The following SUSD3 variants were observed in gnomAD, a reference collection of about 807,000 sequenced individuals.
SUSD3 encodes the protein sushi domain-containing protein 3.
In SUSD3, 18 loss-of-function variants were observed where a neutral mutation model predicts 20.6. The ratio of observed to expected loss-of-function variants is 0.87; its 90% CI spans 0.60 to 1.30. SUSD3 has a LOEUF of 1.30. Ranked by LOEUF, SUSD3 falls within the 50% of genes most tolerant of loss-of-function variation. The pLI, the probability that SUSD3 is intolerant of heterozygous loss-of-function variation, is 0.00. For missense variants in SUSD3, 306 were observed against 346.9 expected, an observed-to-expected ratio of 0.88 and a Z score of 0.94; for synonymous variants, 137 against 141.5, an observed-to-expected ratio of 0.97 and a Z score of 0.23.
In SUSD3 at chr9:93,062,199, C is replaced by T. The variant is rs1825534337; in HGVS notation, c.88+3369C>T. On this transcript the variant is annotated intron_variant, in intron 1 of 4. Transcript: ENST00000375472. ...CAGAGGCGCAGGCGCGGCATGTGGG[C>T]TGAGGGCCGCTCAGGCATCACACAG... is the stretch of plus-strand genomic sequence containing the variant. Among the ~76,000 whole-genome samples, 4 of 152,324 alleles carry T rather than the reference C, an allele frequency of 2.6e-5. No individual in the cohort carries two copies. The South Asian group carries it at 8.3e-4, about 32-fold the overall frequency.
At chr9:93,073,565 T>C (rs1825999571) in intron 1 of SUSD3, among the ~76,000 whole-genome samples, 1 of 152,160 alleles carries the variant, frequency 6.6e-6, no homozygotes, top group South Asian at 2.1e-4. Context: ...GTTCTTTACC[T>C]GTGATGCACC....
intron 1 of SUSD3, among the ~76,000 whole-genome samples, chr9:93,072,931 G>A (rs1667885546): frequency 6.6e-6 from 1 of 152,122 alleles, no homozygotes; most frequent in South Asian, 2.1e-4. Flanking sequence ...CAGAAGCTTG[G>A]CTATGTCTCA....
chr9:93,062,271 C>T (rs761919210), intron 1 of SUSD3, among the ~76,000 whole-genome samples: 9 of 152,216 alleles, frequency 5.9e-5, no homozygotes, highest in African/African-American at 1.9e-4. Flanking sequence ...GCCCCTGAGC[C>T]GTGGGAGGGC....
At chr9:93,073,916 G>C (rs1826013979) in intron 1 of SUSD3, among the ~76,000 whole-genome samples, 1 of 152,196 alleles carries the variant, frequency 6.6e-6, no homozygotes, top group Non-Finnish European at 1.5e-5. Flanking sequence ...TGCAGCATAA[G>C]AGCCGTGTGA....
At chr9:93,081,760 C>T (rs968627856) in intron 4 of SUSD3, among the ~76,000 whole-genome samples, 1 of 152,198 alleles carries the variant, frequency 6.6e-6, no homozygotes, top group African/African-American at 2.4e-5. Flanking sequence ...GATACTTCTG[C>T]ACTTAGCAAC....
chr9:93,083,086 C>T (rs532263010), intron 4 of SUSD3, among the ~76,000 whole-genome samples: 22 of 152,182 alleles, frequency 1.4e-4, no homozygotes, highest in African/African-American at 4.6e-4. Flanking sequence ...AGAGCCAGGG[C>T]GGGAGGGAGG....
intron 1 of SUSD3, 48 bp from the exon 2 acceptor site, chr9:93,075,736 G>GGGGCCCCCCCCCC: frequency 3.7e-6 from 1 of 272,216 alleles, no homozygotes; most frequent in Non-Finnish European, 6.2e-6. Context: ...TGCCCTGCGT[G>GGGGCCCCCCCCCC]CCCACCCCCC....
intron 1 of SUSD3, among the ~76,000 whole-genome samples, chr9:93,067,849 C>T (rs1382126039): frequency 2.0e-5 from 3 of 152,150 alleles, no homozygotes; most frequent in South Asian, 4.1e-4. Flanking sequence ...CCAGCCACCT[C>T]GGCCTCCCAA....
At chr9:93,083,427 C>A (rs1826506473) in intron 4 of SUSD3, among the ~76,000 whole-genome samples, 1 of 152,228 alleles carries the variant, frequency 6.6e-6, no homozygotes, top group Non-Finnish European at 1.5e-5. Flanking sequence ...AGGGCCCAGG[C>A]TGCCTCCATA....
intron 1 of SUSD3, among the ~76,000 whole-genome samples, chr9:93,062,207 C>T (rs886327478): frequency 2.6e-5 from 4 of 152,328 alleles, no homozygotes; most frequent in Non-Finnish European, 4.4e-5. Flanking sequence ...GGCTGAGGGC[C>T]GCTCAGGCAT....
intron 1 of SUSD3, among the ~76,000 whole-genome samples, chr9:93,069,427 C>G (rs1311717158): frequency 1.5e-4 from 23 of 152,158 alleles, no homozygotes. Context: ...ATGTTGCCAT[C>G]GTAACAATAT....
In SUSD3 at chr9:93,084,605, C is replaced by T; in HGVS notation, c.626C>T (p.Pro209Leu). The T allele has an allele frequency of 6.2e-7, 1 of 1,610,058 alleles. No individual in the cohort carries two copies. The highest frequency in any genetic ancestry group is 8.5e-7 in the Non-Finnish European group (1 of 1,178,156). ...TRSVDKDPGI[P>L]RALSLSGSSS... ...AGCGTGGACAAGGACCCTGGGATCC[C>T]CAGAGCTCTAAGCCTCAGTGGCTCC... is the stretch of plus-strand genomic sequence containing the variant. Residue 209 changes from proline (P) to leucine (L), a missense_variant, in exon 5 of 5, where the codon CCC becomes CTC. Coordinates refer to ENST00000375472, the MANE Select transcript of SUSD3 (RefSeq NM_145006.4).
chr9:93,062,859 TTGTAGACCATA>T (rs1825562556), intron 1 of SUSD3, among the ~76,000 whole-genome samples: 1 of 152,116 alleles, frequency 6.6e-6, no homozygotes, highest in South Asian at 2.1e-4. Context: ...GGTAGAGACT[TTGTAGACCATA>T]GCTCCTGGCA....
intron 1 of SUSD3, among the ~76,000 whole-genome samples, chr9:93,067,981 C>T (rs1825779683): frequency 6.6e-6 from 1 of 152,190 alleles, no homozygotes; most frequent in Non-Finnish European, 1.5e-5. Context: ...TTTTGAGAAT[C>T]TTCTTGTGCT....
rs1208449965 is a variant in SUSD3, at chr9:93,060,230, AC to A, written c.88+1402del. Reference sequence around the variant, plus strand: ...CCTGGCTCTGCCTCTGACCACCATGACCACTTCCCAGGCACTGGCCCCCTTG... The same window carrying A: ...CCTGGCTCTGCCTCTGACCACCATGACACTTCCCAGGCACTGGCCCCCTTG... On this transcript the variant is annotated intron_variant, in intron 1 of 4. Coordinates refer to ENST00000375472, the MANE Select transcript of SUSD3 (RefSeq NM_145006.4). Among the ~76,000 whole-genome samples, 3 of 152,218 alleles carry A rather than the reference AC, an allele frequency of 2.0e-5. No individual in the cohort carries two copies. The South Asian group carries it at 6.2e-4, about 32-fold the overall frequency.
chr9:93,079,739 A>G (rs1356509557), intron 4 of SUSD3, 137 bp downstream of exon 4: 14 of 876,476 alleles, frequency 1.6e-5, no homozygotes, highest in Non-Finnish European at 2.4e-5. Context: ...CTTAACTCCC[A>G]TCTCTAAAAC....
chr9:93,058,932 G>A, intron 1 of SUSD3, 102 bp downstream of exon 1: 2 of 647,724 alleles, frequency 3.1e-6, no homozygotes, highest in Non-Finnish European at 4.5e-6. Flanking sequence ...CCGTGGGTGG[G>A]GGCCACAGCA....
rs146557362 is a variant in SUSD3 at position 93,084,752 on chromosome 9, G to A, written c.*5G>A. On this transcript the variant is annotated 3_prime_UTR_variant, in exon 5 of 5. Transcript: ENST00000375472. ...GCAGCATATGCCCTAGGGTGACCAC[G>A]CAGTGAGGCTGGTGCCCATGCTCCA... 375 of 1,486,076 alleles carry A rather than the reference G, an allele frequency of 2.5e-4. No individual in the cohort carries two copies. In the African/African-American group the frequency reaches 4.6e-3, roughly 18 times the overall value. The allele number at this position is 1,486,076 out of a possible 1,614,324, so 92.1% of individuals were successfully genotyped here.
At chr9:93,062,869 T>A (rs2118905053) in intron 1 of SUSD3, among the ~76,000 whole-genome samples, 1 of 152,232 alleles carries the variant, frequency 6.6e-6, no homozygotes, top group Non-Finnish European at 1.5e-5. Context: ...TTGTAGACCA[T>A]AGCTCCTGGC....
Sources: allele counts gnomAD v4.1 joint callset (sites outside exome capture counted in the v4.1 genomes callset), GRCh38; gene constraint gnomAD v4.1.1; transcripts MANE v1.5; gene names NCBI Gene and HGNC (gene_info 2026-07-23, HGNC 2026-07-21).